DCLK1: variants seen among roughly 807,000 people sequenced by gnomAD.
DCLK1 encodes the protein doublecortin like kinase 1.
DCLK1 carries 16 observed loss-of-function variants against 86.2 expected under a neutral mutation model. That is an observed-to-expected ratio of 0.19 (90% CI 0.13 to 0.28). DCLK1 has a LOEUF of 0.28. Among genes scored for constraint, DCLK1 ranks in the 10% least tolerant of loss-of-function variants. The pLI is 1.00. For synonymous variants in DCLK1, 369 were observed against 370.5 expected, an observed-to-expected ratio of 1.00 and a Z score of 0.05; for missense variants, 590 against 940.2, an observed-to-expected ratio of 0.63 and a Z score of 4.87.
chr13:35,972,898 C>A (rs921013920), intron 3 of DCLK1, among the ~76,000 whole-genome samples: 1 of 152,120 alleles, frequency 6.6e-6, no homozygotes, highest in Non-Finnish European at 1.5e-5. Context: ...TGCATCTCAC[C>A]AGTCACAAAA....
intron 1 of DCLK1, among the ~76,000 whole-genome samples, chr13:36,127,673 C>T (rs1886236038): frequency 6.6e-6 from 1 of 152,172 alleles, no homozygotes; most frequent in Non-Finnish European, 1.5e-5. Context: ...ACATAAAGAG[C>T]TAGCAGGAAT....
At chr13:35,816,413 C>T (rs756585666) in intron 11 of DCLK1, among the ~76,000 whole-genome samples, 2 of 152,112 alleles carry the variant, frequency 1.3e-5, no homozygotes, top group African/African-American at 4.8e-5. Context: ...TATATCTATA[C>T]AATTACTCTC....
At chr13:35,786,117 C>T (rs2153098531) in intron 16 of DCLK1, among the ~76,000 whole-genome samples, 1 of 152,280 alleles carries the variant, frequency 6.6e-6, no homozygotes, top group South Asian at 2.1e-4. Flanking sequence ...GTCATTTTGT[C>T]TGCTGATGGG....
At chr13:36,080,933 T>C (rs1884400070) in intron 3 of DCLK1, among the ~76,000 whole-genome samples, 1 of 152,082 alleles carries the variant, frequency 6.6e-6, no homozygotes. Context: ...CATTCTGTCA[T>C]CTAGTGGGTG....
At chr13:36,090,935 T>C (rs9546339) in intron 3 of DCLK1, among the ~76,000 whole-genome samples, 6 of 151,842 alleles carry the variant, frequency 4.0e-5, no homozygotes, top group African/African-American at 9.7e-5. Flanking sequence ...CTTGGGCACA[T>C]AGCCCATGGC....
intron 8 of DCLK1, among the ~76,000 whole-genome samples, chr13:35,835,485 C>T (rs1408703480): frequency 5.9e-5 from 9 of 152,198 alleles, no homozygotes; most frequent in African/African-American, 2.2e-4. Flanking sequence ...CACCAGCTAA[C>T]GTCCTCCATT....
chr13:35,963,087 G>C (rs1878544133), intron 3 of DCLK1, among the ~76,000 whole-genome samples: 1 of 152,188 alleles, frequency 6.6e-6, no homozygotes. Flanking sequence ...CAGCGAATCA[G>C]CAGAACTGGA....
intron 3 of DCLK1, among the ~76,000 whole-genome samples, chr13:36,089,357 C>G (rs1388663625): frequency 6.6e-6 from 1 of 152,200 alleles, no homozygotes. Flanking sequence ...TAGGCCTGAA[C>G]AGAAGCACAG....
At chr13:36,118,356 C>G (rs758894276) in intron 2 of DCLK1, among the ~76,000 whole-genome samples, 11 of 152,088 alleles carry the variant, frequency 7.2e-5, no homozygotes, top group Admixed American at 2.0e-4. Context: ...GAGTACTTAG[C>G]AGATACAACC....
chr13:36,111,965 C>G lies in DCLK1; in HGVS notation c.627G>C (p.Thr209=). The change falls in exon 3 of 17, where the codon ACG becomes ACC. Residue 209 remains threonine (T), a synonymous_variant. Transcript: ENST00000360631. ...KAVRILLNKK[T]AHSFEQVLTD... ...TGAGGACCTGCTCAAAGGAATGAGCCGTTTTCTTGTTCAGCAGAATCCTGA... is the reference window on the plus strand; with the variant it reads ...TGAGGACCTGCTCAAAGGAATGAGCGGTTTTCTTGTTCAGCAGAATCCTGA... 6.2e-7 allele frequency: 1 copy of G among 1,614,210 alleles called. No individual in the cohort carries two copies. The highest frequency in any genetic ancestry group is 1.1e-5 in the South Asian group (1 of 91,074).
chr13:35,974,249 T>G (rs1383598538), intron 3 of DCLK1, among the ~76,000 whole-genome samples: 3 of 152,128 alleles, frequency 2.0e-5, no homozygotes, highest in Non-Finnish European at 2.9e-5. Context: ...GTGACTGCAT[T>G]TGAAGAGAGG....
intron 4 of DCLK1, among the ~76,000 whole-genome samples, chr13:35,885,795 A>G (rs1030778226): frequency 5.9e-5 from 9 of 152,218 alleles, no homozygotes; most frequent in Admixed American, 5.9e-4. Flanking sequence ...CTTACCATGC[A>G]AAAGTAATGA....
At chr13:35,783,595 T>A (rs2086568830) in intron 16 of DCLK1, among the ~76,000 whole-genome samples, 1 of 151,944 alleles carries the variant, frequency 6.6e-6, no homozygotes, top group Non-Finnish European at 1.5e-5. Context: ...TCTCCATGAC[T>A]TTTTTTTGAG....
intron 14 of DCLK1, among the ~76,000 whole-genome samples, chr13:35,807,664 G>A (rs2087055366): frequency 6.6e-6 from 1 of 152,222 alleles, no homozygotes; most frequent in South Asian, 2.1e-4. Context: ...GTCTGGAAAT[G>A]AACTATATAA....
chr13:36,052,386 AT>A (rs1361262110), intron 3 of DCLK1, among the ~76,000 whole-genome samples: 3 of 152,162 alleles, frequency 2.0e-5, no homozygotes, highest in Non-Finnish European at 2.9e-5. Context: ...TAGAGAGGAT[AT>A]CATGTGAGAA....
chr13:36,128,023 A>T (rs1406256409), intron 1 of DCLK1, among the ~76,000 whole-genome samples: 2 of 152,222 alleles, frequency 1.3e-5, no homozygotes, highest in Non-Finnish European at 2.9e-5. Context: ...TTAGATGGAC[A>T]TCACCTTTCT....
intron 4 of DCLK1, among the ~76,000 whole-genome samples, chr13:35,897,265 G>A (rs1284584893): frequency 6.6e-6 from 1 of 152,182 alleles, no homozygotes; most frequent in Non-Finnish European, 1.5e-5. Flanking sequence ...CTTTTAGAGA[G>A]AACACTGGGA....
intron 3 of DCLK1, among the ~76,000 whole-genome samples, chr13:36,108,198 G>A (rs939765554): frequency 2.0e-5 from 3 of 152,190 alleles, no homozygotes; most frequent in African/African-American, 7.2e-5. Context: ...CAAGGAAGAG[G>A]AGGAAGGTCG....
Position 35,967,351 on chromosome 13 carries a change from G to T in DCLK1, c.724-19894C>A, listed in dbSNP as rs530308283. On this transcript the variant is annotated intron_variant, in intron 3 of 16. Coordinates refer to ENST00000360631, the MANE Select transcript of DCLK1 (RefSeq NM_001330071.2). The stretch of plus-strand genomic sequence containing the variant: ...GTACCCAACAGCTCATTGAGAACAG[G>T]CCATGATGACGATGGCGGTTTTGTC... Among the ~76,000 whole-genome samples the T allele has an allele frequency of 2.6e-5, 4 of 152,328 alleles. No individual in the cohort carries two copies. In the South Asian group the frequency reaches 8.3e-4, roughly 32 times the overall value.
Sources: gnomAD v4.1 joint callset for allele counts (sites outside exome capture counted in the v4.1 genomes callset) on GRCh38, gnomAD v4.1.1 for gene constraint, MANE v1.5 for transcripts, NCBI Gene and HGNC (gene_info 2026-07-23, HGNC 2026-07-21) for gene names.